Variants in SLC2A9 observed in about 807,000 individuals in gnomAD.
SLC2A9 encodes solute carrier family 2 member 9, also known as solute carrier family 2, facilitated glucose transporter member 9.
A neutral mutation model predicts 50.6 loss-of-function variants in SLC2A9; 39 were observed. The observed-to-expected ratio is 0.77, with a 90% CI of 0.60 to 1.01. The LOEUF (loss-of-function observed/expected upper bound fraction) is 1.01. SLC2A9 is among the 50% of genes least tolerant of loss of function. SLC2A9 has a pLI of 0.00. For synonymous variants in SLC2A9, 324 were observed against 276.9 expected (o/e 1.17, Z -1.69); for missense variants, 686 against 677.6 (o/e 1.01, Z -0.14).
chr4:9,851,318 T>C (rs939341379), intron 10 of SLC2A9, among the ~76,000 whole-genome samples: 22 of 152,188 alleles, frequency 1.4e-4, no homozygotes, highest in African/African-American at 5.1e-4. Flanking sequence ...GAGCTGAGCG[T>C]TGGCTCCCTA....
chr4:10,030,540 G>T (rs1051817202), intron 1 of SLC2A9, among the ~76,000 whole-genome samples: 14 of 152,104 alleles, frequency 9.2e-5, no homozygotes, highest in Non-Finnish European at 1.5e-5. Context: ...AGGGGATGTT[G>T]CTCAGGGTGG....
At chr4:9,851,269 T>C (rs1196094531) in intron 10 of SLC2A9, among the ~76,000 whole-genome samples, 2 of 152,154 alleles carry the variant, frequency 1.3e-5, no homozygotes, top group Non-Finnish European at 2.9e-5. Context: ...GGGCCCAATG[T>C]CAGTCCCCCA....
intron 10 of SLC2A9, among the ~76,000 whole-genome samples, chr4:9,865,831 T>C (rs1373666753): frequency 2.0e-5 from 3 of 152,224 alleles, no homozygotes; most frequent in South Asian, 2.1e-4. Context: ...TTTGCCACAA[T>C]TGGATTGATG....
At chr4:9,977,132 AG>A (rs1276052034) in intron 5 of SLC2A9, among the ~76,000 whole-genome samples, 1 of 152,094 alleles carries the variant, frequency 6.6e-6, no homozygotes, top group East Asian at 1.9e-4. Context: ...TCCATGCTGC[AG>A]GCCAAAAGCC....
intron 2 of SLC2A9, among the ~76,000 whole-genome samples, chr4:10,017,302 C>A (rs1378941178): frequency 1.3e-5 from 2 of 152,194 alleles, no homozygotes. Flanking sequence ...AAGGTTCTCC[C>A]CCACCTCTCA....
At chr4:9,811,166 C>T (rs529169982) in intron 3 of SLC2A9, among the ~76,000 whole-genome samples, 2 of 152,306 alleles carry the variant, frequency 1.3e-5, no homozygotes, top group African/African-American at 4.8e-5. Context: ...CTGAATAGGG[C>T]CAATACAAAT....
At chr4:9,885,760 G>T (rs1338645322) in intron 10 of SLC2A9, among the ~76,000 whole-genome samples, 1 of 152,194 alleles carries the variant, frequency 6.6e-6, no homozygotes, top group Non-Finnish European at 1.5e-5. Context: ...CAGCACACAG[G>T]CCGCATGCAG....
chr4:9,907,327 T>G (rs1740867581), intron 8 of SLC2A9, among the ~76,000 whole-genome samples: 1 of 152,204 alleles, frequency 6.6e-6, no homozygotes, highest in African/African-American at 2.4e-5. Flanking sequence ...AGCCAAGAAG[T>G]GCCGGAGCCA....
At chr4:9,779,681 T>G (rs1410285706), downstream of SLC2A9, 2 of 152,202 alleles carry the variant, frequency 1.3e-5, no homozygotes, top group Non-Finnish European at 2.9e-5. Flanking sequence ...CCCAAAGTGC[T>G]GGGATTACAG....
At chr4:10,029,789 G>C (rs1763878544) in intron 1 of SLC2A9, among the ~76,000 whole-genome samples, 1 of 151,194 alleles carries the variant, frequency 6.6e-6, no homozygotes, top group Non-Finnish European at 1.5e-5. Context: ...GCTAATTTTT[G>C]TTTTTGTTTT....
At position 9,924,697 on chromosome 4, in the gene SLC2A9, C is replaced by T. The variant is rs533487889; in HGVS notation, c.815-4125G>A. On this transcript the variant is annotated intron_variant, in intron 6 of 11. Transcript: ENST00000264784. ...GGGCAAGTGGTGCTTCCTCGAGTCA[C>T]CTCTCAAATAAACTTCCCATCTTCA... Among the ~76,000 whole-genome samples the T allele has an allele frequency of 2.0e-5, 3 of 152,318 alleles. No homozygotes were observed. The East Asian group carries it at 5.8e-4, about 29-fold the overall frequency.
chr4:9,783,145 G>T (rs1198577668), intron 3 of SLC2A9: 6 of 1,614,120 alleles, frequency 3.7e-6, no homozygotes, highest in Non-Finnish European at 5.1e-6. Context: ...TTGCCCAGCT[G>T]CTGGGGTGCA....
At chr4:9,843,388 A>C (rs1728413115) in intron 10 of SLC2A9, among the ~76,000 whole-genome samples, 1 of 152,218 alleles carries the variant, frequency 6.6e-6, no homozygotes, top group African/African-American at 2.4e-5. Context: ...TTGGGGTATA[A>C]CACTAGCATT....
intron 3 of SLC2A9, among the ~76,000 whole-genome samples, chr4:9,803,066 G>T (rs1721673459): frequency 6.6e-6 from 1 of 152,208 alleles, no homozygotes; most frequent in Admixed American, 6.5e-5. Context: ...TATTGGCCTG[G>T]GAATTGGAAG....
chr4:9,931,636 T>A (rs1745945043), intron 6 of SLC2A9, among the ~76,000 whole-genome samples: 1 of 152,102 alleles, frequency 6.6e-6, no homozygotes. Flanking sequence ...CTGACCTAGA[T>A]CTGTCTGATC....
At chr4:9,984,143 G>A (rs1050297216) in intron 4 of SLC2A9, among the ~76,000 whole-genome samples, 1 of 152,184 alleles carries the variant, frequency 6.6e-6, no homozygotes, top group Non-Finnish European at 1.5e-5. Flanking sequence ...ATAGACAAAT[G>A]ATTGAGGAGT....
chr4:9,782,066 G>A (rs1718480918), intron 3 of SLC2A9: 1 of 1,495,996 alleles, frequency 6.7e-7, no homozygotes, highest in Non-Finnish European at 8.9e-7. Flanking sequence ...CGCGTACCCG[G>A]GGCAGTTCGC....
At chr4:9,971,223 T>A (rs942120523) in intron 5 of SLC2A9, among the ~76,000 whole-genome samples, 4 of 152,220 alleles carry the variant, frequency 2.6e-5, no homozygotes, top group African/African-American at 9.6e-5. Context: ...GTCATGATCA[T>A]TTAATTAATT....
chr4:9,854,365 T>C (rs545631061), intron 10 of SLC2A9, among the ~76,000 whole-genome samples: 1 of 151,960 alleles, frequency 6.6e-6, no homozygotes, highest in South Asian at 2.1e-4. Context: ...GAGAAGAAAC[T>C]GATAAATTCC....
Sources: allele counts gnomAD v4.1 joint callset (sites outside exome capture counted in the v4.1 genomes callset), GRCh38; gene constraint gnomAD v4.1.1; transcripts MANE v1.5; gene names NCBI Gene and HGNC (gene_info 2026-07-23, HGNC 2026-07-21).